The following SPECC1 variants were observed in gnomAD, a reference collection of about 807,000 sequenced individuals.
SPECC1 encodes the protein cytospin-B.
SPECC1 carries 62 observed loss-of-function variants against 104.1 expected under a neutral mutation model. That is an observed-to-expected ratio of 0.60 (90% confidence interval 0.49 to 0.74). SPECC1 has a LOEUF of 0.74. SPECC1 is among the 30% of genes least tolerant of loss of function. The pLI, the probability that SPECC1 is intolerant of heterozygous loss-of-function variation, is 0.00. For missense variants in SPECC1, 1,306 were observed against 1,310.5 expected (o/e 1.00, Z 0.05); for synonymous variants, 513 against 501.6 (o/e 1.02, Z -0.30).
rs1163678266 is a variant in SPECC1, at chr17:20,315,807, C to A, written c.*1742C>A. On this transcript the variant is annotated 3_prime_UTR_variant, in exon 15 of 15. Coordinates refer to ENST00000395527, the MANE Select transcript of SPECC1 (RefSeq NM_001243439.2). ...AAGCCACCTTGAGACAAGAACTCCG[C>A]CCCCCTGTTAGTGCATCCCAGCTGC... 1.3e-5 allele frequency: 3 copies of A among 232,426 alleles called. No individual in the cohort carries two copies. Among genetic ancestry groups the A allele is most frequent in the Admixed American group, 1.1e-4 (2 of 17,746 alleles). 14.4% of individuals were successfully genotyped at this position (232,426 alleles called of 1,614,324 possible). A position where few individuals can be genotyped will look rare whatever the true frequency, so the allele number is the denominator to read the frequency against.
chr17:20,179,542 A>G (rs2034714346), intron 3 of SPECC1, among the ~76,000 whole-genome samples: 1 of 152,238 alleles, frequency 6.6e-6, no homozygotes, highest in Non-Finnish European at 1.5e-5. Flanking sequence ...GAGACTAATA[A>G]GGTGGGAAAG....
At chr17:20,217,445 C>T (rs148317974) in intron 4 of SPECC1, among the ~76,000 whole-genome samples, 28 of 152,244 alleles carry the variant, frequency 1.8e-4, no homozygotes, top group African/African-American at 4.8e-4. Context: ...GGCGCAGAGC[C>T]TTTGAGGGAC....
At chr17:20,124,860 A>G (rs1024797350) in intron 3 of SPECC1, among the ~76,000 whole-genome samples, 7 of 152,176 alleles carry the variant, frequency 4.6e-5, no homozygotes, top group South Asian at 2.1e-4. Flanking sequence ...AGATTGGTGC[A>G]AAAAAGTAAT....
chr17:20,282,675 G>A (rs990997710), intron 12 of SPECC1, among the ~76,000 whole-genome samples: 2 of 152,150 alleles, frequency 1.3e-5, no homozygotes, highest in African/African-American at 2.4e-5. Flanking sequence ...CCCTTCACAC[G>A]TCATTCTGCC....
intron 7 of SPECC1, among the ~76,000 whole-genome samples, chr17:20,242,652 T>C (rs907848730): frequency 6.6e-6 from 1 of 152,226 alleles, no homozygotes; most frequent in African/African-American, 2.4e-5. Context: ...GTATTATTTC[T>C]AGAACCTTGT....
At chr17:20,288,617 A>G (rs2041042294) in intron 12 of SPECC1, among the ~76,000 whole-genome samples, 1 of 152,024 alleles carries the variant, frequency 6.6e-6, no homozygotes, top group African/African-American at 2.4e-5. Flanking sequence ...AAAAATGAAC[A>G]CTTTTTTTTC....
intron 1 of SPECC1, among the ~76,000 whole-genome samples, chr17:20,034,759 C>T (rs2044992381): frequency 6.6e-6 from 1 of 152,062 alleles, no homozygotes; most frequent in South Asian, 2.1e-4. Flanking sequence ...GCATGTGCCA[C>T]CACGTCCAGC....
chr17:20,035,313 C>T (rs912949744), intron 1 of SPECC1, among the ~76,000 whole-genome samples: 2 of 152,062 alleles, frequency 1.3e-5, no homozygotes, highest in Non-Finnish European at 2.9e-5. Flanking sequence ...TTGTCTATAT[C>T]TATGTAAAAT....
Position 20,057,320 on chromosome 17 carries a change from A to G in SPECC1, c.-21-39311A>G, listed in dbSNP as rs943988373. On this transcript the variant is annotated intron_variant, in intron 1 of 14. Coordinates refer to ENST00000395527, the MANE Select transcript of SPECC1 (RefSeq NM_001243439.2). ...GCCGGGCGTGGTGGCGGGCGCCTAT[A>G]GTCCCAGCTACTCGGGAGGCTGAGG... Among the ~76,000 whole-genome samples, 6 of 152,244 alleles carry G rather than the reference A, an allele frequency of 3.9e-5. No homozygotes were observed. The South Asian group carries it at 1.2e-3, about 32-fold the overall frequency.
chr17:20,203,892 A>G (rs2036592936), intron 3 of SPECC1, among the ~76,000 whole-genome samples: 2 of 152,176 alleles, frequency 1.3e-5, no homozygotes, highest in Admixed American at 6.5e-5. Context: ...TAACAATGCT[A>G]TTGAGAGTTT....
intron 12 of SPECC1, among the ~76,000 whole-genome samples, chr17:20,270,241 C>T (rs1012342749): frequency 2.0e-5 from 3 of 151,566 alleles, no homozygotes; most frequent in African/African-American, 4.9e-5. Flanking sequence ...GAACTATACA[C>T]TTTAAACTGG....
rs533321634 is a variant in SPECC1, at chr17:20,118,553, A to G, written c.283+7991A>G. Reference sequence around the variant, plus strand: ...CAATATACATTACTAAGTGGGGAAAATAATATGGTGCATATGGTATAACCT... The same window carrying G: ...CAATATACATTACTAAGTGGGGAAAGTAATATGGTGCATATGGTATAACCT... On this transcript the variant is annotated intron_variant, in intron 3 of 14. Transcript: ENST00000395527. Among the ~76,000 whole-genome samples, 5 of 152,354 alleles carry G rather than the reference A, an allele frequency of 3.3e-5. No individual in the cohort carries two copies. In the South Asian group the frequency reaches 1.0e-3, roughly 32 times the overall value.
intron 1 of SPECC1, among the ~76,000 whole-genome samples, chr17:20,061,941 A>C (rs1207213356): frequency 6.6e-6 from 1 of 152,112 alleles, no homozygotes; most frequent in African/African-American, 2.4e-5. Context: ...AGATCCATAA[A>C]CTATTTTGTC....
At chr17:20,048,996 G>C (rs923266358) in intron 1 of SPECC1, among the ~76,000 whole-genome samples, 3 of 152,122 alleles carry the variant, frequency 2.0e-5, no homozygotes, top group African/African-American at 7.2e-5. Flanking sequence ...CGGGGAAGGA[G>C]GGAAAAGAAG....
intron 12 of SPECC1, among the ~76,000 whole-genome samples, chr17:20,266,265 A>G (rs2040212687): frequency 6.6e-6 from 1 of 152,032 alleles, no homozygotes; most frequent in African/African-American, 2.4e-5. Context: ...CTCCTTCCAT[A>G]TATTGTTCAG....
chr17:20,265,103 C>T (rs756732946), intron 12 of SPECC1, among the ~76,000 whole-genome samples: 5 of 151,992 alleles, frequency 3.3e-5, no homozygotes, highest in Non-Finnish European at 7.4e-5. Context: ...AGTGGTAGAA[C>T]GACTTATTTT....
chr17:20,308,204 A>G (rs964937022), intron 14 of SPECC1, among the ~76,000 whole-genome samples: 3 of 152,074 alleles, frequency 2.0e-5, no homozygotes, highest in Non-Finnish European at 4.4e-5. Flanking sequence ...CCTGGCCAAC[A>G]TTGTGAAAGC....
chr17:20,213,792 C>T (rs1381981727), intron 4 of SPECC1, among the ~76,000 whole-genome samples: 1 of 152,118 alleles, frequency 6.6e-6, no homozygotes, highest in Non-Finnish European at 1.5e-5. Flanking sequence ...TTGGAGTGAA[C>T]AGGGTGGTCA....
At chr17:20,189,672 T>C (rs1175850739) in intron 3 of SPECC1, among the ~76,000 whole-genome samples, 5 of 152,176 alleles carry the variant, frequency 3.3e-5, no homozygotes. Context: ...GGGGCTTTTG[T>C]TCAGAAGCTT....
Sources: allele counts gnomAD v4.1 joint callset (sites outside exome capture counted in the v4.1 genomes callset), GRCh38; gene constraint gnomAD v4.1.1; transcripts MANE v1.5; gene names NCBI Gene and HGNC (gene_info 2026-07-23, HGNC 2026-07-21).